UTRN: variants seen among roughly 807,000 people sequenced by gnomAD.
The protein encoded by UTRN is dystrophin-related protein 1.
Under a neutral mutation model 463.9 loss-of-function variants are expected in UTRN, and 283 were observed. That is an observed-to-expected ratio of 0.61 (90% CI 0.55 to 0.67). The LOEUF (loss-of-function observed/expected upper bound fraction) is 0.67, where lower values mean the gene tolerates loss of function less well. UTRN is among the 30% of genes least tolerant of loss of function. UTRN has a pLI of 0.00. For missense variants in UTRN, 3,922 were observed against 4,084.3 expected (o/e 0.96, Z 1.08); for synonymous variants, 1,442 against 1,431.5 (o/e 1.01, Z -0.17).
chr6:144,671,017 A>G (rs1022918056), intron 51 of UTRN, among the ~76,000 whole-genome samples: 2 of 152,098 alleles, frequency 1.3e-5, no homozygotes, highest in South Asian at 2.1e-4. Context: ...TACCAGTACC[A>G]TGCTCTTTTG....
At chr6:144,819,170 T>C (rs1779345671) in intron 65 of UTRN, among the ~76,000 whole-genome samples, 1 of 152,106 alleles carries the variant, frequency 6.6e-6, no homozygotes, top group Non-Finnish European at 1.5e-5. Context: ...TTGTTGCAGG[T>C]TGTTTGTTTT....
intron 51 of UTRN, among the ~76,000 whole-genome samples, chr6:144,597,827 C>T (rs1375628698): frequency 6.6e-6 from 1 of 152,134 alleles, no homozygotes; most frequent in African/African-American, 2.4e-5. Flanking sequence ...AAAGCTGGTG[C>T]TTTATAATTT....
At chr6:144,753,486 G>A (rs1459889912) in intron 56 of UTRN, among the ~76,000 whole-genome samples, 1 of 151,988 alleles carries the variant, frequency 6.6e-6, no homozygotes, top group Non-Finnish European at 1.5e-5. Context: ...ATGTGGTGTG[G>A]TGTGCGTCTG....
At chr6:144,807,552 A>G (rs1203118210) in intron 65 of UTRN, among the ~76,000 whole-genome samples, 2 of 152,126 alleles carry the variant, frequency 1.3e-5, no homozygotes, top group Admixed American at 6.6e-5. Context: ...TTCAAGAGAC[A>G]GCATGACACA....
At chr6:144,729,230 T>G (rs1267331323) in intron 53 of UTRN, among the ~76,000 whole-genome samples, 1 of 152,126 alleles carries the variant, frequency 6.6e-6, no homozygotes, top group Non-Finnish European at 1.5e-5. Flanking sequence ...ATTACCAGGG[T>G]TTTTTTGTGT....
intron 3 of UTRN, among the ~76,000 whole-genome samples, chr6:144,412,739 T>C (rs1024103136): frequency 6.2e-5 from 6 of 97,546 alleles, no homozygotes; most frequent in African/African-American, 3.7e-4. Flanking sequence ...TGTGTGTGTA[T>C]ATATATATAT....
chr6:144,370,798 T>G (rs769767517), intron 2 of UTRN, among the ~76,000 whole-genome samples: 3 of 152,218 alleles, frequency 2.0e-5, no homozygotes, highest in Non-Finnish European at 4.4e-5. Context: ...TGCATCAGCA[T>G]TACCTGGATT....
intron 51 of UTRN, among the ~76,000 whole-genome samples, chr6:144,598,577 T>C (rs1318897377): frequency 6.6e-6 from 1 of 152,200 alleles, no homozygotes; most frequent in East Asian, 1.9e-4. Flanking sequence ...CTATGGAATG[T>C]AGATTTTCCC....
intron 53 of UTRN, 34 bp from the exon 54 acceptor site, chr6:144,730,323 G>A (rs750566418): frequency 3.2e-6 from 5 of 1,548,734 alleles, no homozygotes; most frequent in African/African-American, 2.8e-5. Context: ...AACACGTGAG[G>A]TTACAAACTC....
intron 69 of UTRN, among the ~76,000 whole-genome samples, chr6:144,834,207 AG>A (rs770283259): frequency 7.9e-5 from 12 of 152,356 alleles, no homozygotes; most frequent in Non-Finnish European, 1.5e-4. Context: ...ATTTGATAAA[AG>A]CAAGAAGGTC....
intron 50 of UTRN, among the ~76,000 whole-genome samples, chr6:144,559,931 A>G (rs1440744067): frequency 6.6e-6 from 1 of 152,182 alleles, no homozygotes; most frequent in Non-Finnish European, 1.5e-5. Flanking sequence ...ACTAAATGGT[A>G]ATGCTCTTCA....
At chr6:144,393,531 G>T (rs1357255501) in intron 2 of UTRN, among the ~76,000 whole-genome samples, 1 of 152,172 alleles carries the variant, frequency 6.6e-6, no homozygotes, top group African/African-American at 2.4e-5. Flanking sequence ...AAGAGAAATG[G>T]TAGAAAGAGA....
chr6:144,817,591 T>C (rs1386751966), intron 65 of UTRN, among the ~76,000 whole-genome samples: 1 of 152,104 alleles, frequency 6.6e-6, no homozygotes, highest in Non-Finnish European at 1.5e-5. Flanking sequence ...ACTACTATTA[T>C]ATAATAAAAA....
At chr6:144,497,292 G>C (rs1793744363) in intron 33 of UTRN, among the ~76,000 whole-genome samples, 1 of 152,064 alleles carries the variant, frequency 6.6e-6, no homozygotes, top group Non-Finnish European at 1.5e-5. Flanking sequence ...GAAATCAACA[G>C]GACTTGGTCC....
At chr6:144,738,878 A>G (rs185158124) in intron 54 of UTRN, among the ~76,000 whole-genome samples, 3 of 152,312 alleles carry the variant, frequency 2.0e-5, no homozygotes, top group Admixed American at 1.3e-4. Flanking sequence ...TAATTTAAAT[A>G]TTTTATTAAT....
intron 6 of UTRN, among the ~76,000 whole-genome samples, chr6:144,425,233 T>C (rs1785189151): frequency 6.6e-6 from 1 of 152,190 alleles, no homozygotes; most frequent in African/African-American, 2.4e-5. Flanking sequence ...TATGATTAAG[T>C]TCAGGTTGTT....
At chr6:144,455,189 T>A (rs1421539479) in intron 19 of UTRN, among the ~76,000 whole-genome samples, 1 of 152,192 alleles carries the variant, frequency 6.6e-6, no homozygotes, top group Admixed American at 6.5e-5. Context: ...TTTGAAATTA[T>A]GCAAATGTAT....
At chr6:144,386,044 C>T (rs2114750798) in intron 2 of UTRN, among the ~76,000 whole-genome samples, 1 of 152,264 alleles carries the variant, frequency 6.6e-6, no homozygotes, top group East Asian at 1.9e-4. Context: ...AAGAAGTTAA[C>T]ATGAAGGAAG....
At chr6:144,758,343 T>C (rs1020721825) in intron 58 of UTRN, 1 of 162,578 alleles carries the variant, frequency 6.2e-6, no homozygotes, top group African/African-American at 2.4e-5. Context: ...TGACAGAATT[T>C]CAAAATACTC....
Sources: gnomAD v4.1 joint callset for allele counts (sites outside exome capture counted in the v4.1 genomes callset) on GRCh38, gnomAD v4.1.1 for gene constraint, MANE v1.5 for transcripts, NCBI Gene and HGNC (gene_info 2026-07-23, HGNC 2026-07-21) for gene names.